LRRC37A2: variants seen among roughly 807,000 people sequenced by gnomAD.
The protein encoded by LRRC37A2 is leucine rich repeat containing 37 member A2.
Under a neutral mutation model 68.8 loss-of-function variants are expected in LRRC37A2, and 9 were observed. The observed-to-expected ratio is 0.13, with a 90% confidence interval of 0.08 to 0.23. The LOEUF is 0.23. LRRC37A2 is among the 10% of genes least tolerant of loss of function. LRRC37A2 has a pLI of 1.00. For synonymous variants in LRRC37A2, 63 were observed against 367.6 expected, an observed-to-expected ratio of 0.17 and a Z score of 9.48; for missense variants, 168 against 950.4, an observed-to-expected ratio of 0.18 and a Z score of 10.82.
chr17:46,783,816 C>T, the LRRC37A2 span, among the ~76,000 whole-genome samples: 7 of 152,200 alleles, frequency 4.6e-5, no homozygotes, highest in Admixed American at 3.9e-4. Flanking sequence ...GGTCTAGGAG[C>T]CACACAGAGA....
At chr17:46,921,817 A>G in the LRRC37A2 span, among the ~76,000 whole-genome samples, 1 of 152,218 alleles carries the variant, frequency 6.6e-6, no homozygotes, top group East Asian at 1.9e-4. Flanking sequence ...GGCGACCATT[A>G]AAAAGTCAGG....
the LRRC37A2 span, among the ~76,000 whole-genome samples, chr17:46,950,450 A>G: frequency 6.6e-6 from 1 of 152,226 alleles, no homozygotes; most frequent in Non-Finnish European, 1.5e-5. Context: ...CAGAGCCAAA[A>G]GCCCATACTA....
chr17:46,500,210 CG>C, the LRRC37A2 span, among the ~76,000 whole-genome samples: 3 of 148,012 alleles, frequency 2.0e-5, no homozygotes, highest in Non-Finnish European at 2.9e-5. Context: ...CTTTTGTGGG[CG>C]TATATTAATG....
chr17:46,979,065 G>C, the LRRC37A2 span: 1 of 1,325,738 alleles, frequency 7.5e-7, no homozygotes, highest in East Asian at 3.2e-5. Flanking sequence ...GCTGCTCGCC[G>C]GGGTCCGCGC....
At chr17:46,879,211 C>G in the LRRC37A2 span, among the ~76,000 whole-genome samples, 2 of 152,160 alleles carry the variant, frequency 1.3e-5, no homozygotes, top group Non-Finnish European at 2.9e-5. Context: ...TGTATTTTCC[C>G]GGAAACCCTC....
chr17:46,859,935 T>C, the LRRC37A2 span, among the ~76,000 whole-genome samples: 1 of 152,248 alleles, frequency 6.6e-6, no homozygotes, highest in African/African-American at 2.4e-5. Flanking sequence ...CAATGTGCTC[T>C]ATGTATTTAG....
At chr17:46,755,322 T>C in the LRRC37A2 span, 27 of 1,613,114 alleles carry the variant, frequency 1.7e-5, no homozygotes, top group Non-Finnish European at 2.2e-5. Flanking sequence ...AGATGGATCC[T>C]GAATACCGTG....
At chr17:47,000,079 A>T in the LRRC37A2 span, among the ~76,000 whole-genome samples, 1,529 of 16,734 alleles carry the variant, frequency 0.091, 172 homozygotes, top group East Asian at 0.19. Flanking sequence ...TAAAATAAAA[A>T]ATAAAATAAA....
chr17:47,000,043 TAAAATA>T, the LRRC37A2 span, among the ~76,000 whole-genome samples: 1 of 25,692 alleles, frequency 3.9e-5, no homozygotes, highest in African/African-American at 7.6e-5. Context: ...TAAAATAAAA[TAAAATA>T]AAATAAAATA....
the LRRC37A2 span, chr17:46,711,107 G>A: frequency 1.5e-5 from 23 of 1,512,278 alleles, no homozygotes; most frequent in African/African-American, 2.9e-5. Context: ...ATTGGTCAGC[G>A]TGCTTCTGGA....
At chr17:46,691,884 C>G in the LRRC37A2 span, among the ~76,000 whole-genome samples, 1 of 151,112 alleles carries the variant, frequency 6.6e-6, no homozygotes, top group African/African-American at 2.5e-5. Flanking sequence ...TCCAGAGTAG[C>G]TGGGATTACA....
the LRRC37A2 span, among the ~76,000 whole-genome samples, chr17:46,840,473 T>G: frequency 6.6e-6 from 1 of 152,246 alleles, no homozygotes; most frequent in Admixed American, 6.5e-5. Flanking sequence ...TAAACATATG[T>G]GTGCATGTGT....
At chr17:46,768,458 G>A in the LRRC37A2 span, 5 of 1,614,032 alleles carry the variant, frequency 3.1e-6, no homozygotes, top group South Asian at 1.1e-5. The surrounding 1 kb of genome is among the most constrained non-coding windows in gnomAD (Gnocchi z 5.0). Flanking sequence ...AGAGCAGATC[G>A]CAGCCATCGA....
chr17:46,979,233 T>TGGAGCC, the LRRC37A2 span: 1 of 413,400 alleles, frequency 2.4e-6, no homozygotes, highest in African/African-American at 2.1e-5. Flanking sequence ...GCGCAGGAGC[T>TGGAGCC]GGAGCCGGAG....
At position 46,529,788 on chromosome 17, in the gene LRRC37A2, C is replaced by T. The variant is rs1304428312; in HGVS notation, c.2906+5904C>T. Among the ~76,000 whole-genome samples, 70 of 108,324 alleles carry T rather than the reference C, an allele frequency of 6.5e-4. 1 individual carries two copies. Among genetic ancestry groups the T allele is most frequent in the African/African-American group, 2.0e-3 (62 of 30,534 alleles). 71.1% of individuals were successfully genotyped at this position (108,324 alleles called of 152,430 possible). A position where few individuals can be genotyped will look rare whatever the true frequency, so the allele number is the denominator to read the frequency against. ...CCACTCAGTCTCTCCATGGCCCAGG[C>T]ACAACCTTAGTCAAGAAAAGAATGC... On this transcript the variant is annotated intron_variant, in intron 6 of 14. Coordinates refer to ENST00000576629, the Ensembl canonical transcript of LRRC37A2.
chr17:47,044,877 T>G, the LRRC37A2 span, among the ~76,000 whole-genome samples: 1 of 143,114 alleles, frequency 7.0e-6, no homozygotes, highest in Admixed American at 7.0e-5. Context: ...CCAGGCGTGG[T>G]GGCACACACC....
chr17:46,714,265 T>TTGAA, the LRRC37A2 span, among the ~76,000 whole-genome samples: 1 of 152,154 alleles, frequency 6.6e-6, no homozygotes, highest in Non-Finnish European at 1.5e-5. Flanking sequence ...ATTAAAAGAG[T>TTGAA]TATAGTTGAA....
chr17:46,767,393 C>G, the LRRC37A2 span, among the ~76,000 whole-genome samples: 1 of 152,220 alleles, frequency 6.6e-6, no homozygotes, highest in African/African-American at 2.4e-5. Flanking sequence ...CGCTTCCCCC[C>G]ACCCACCTCC....
At chr17:46,638,792 G>A in the LRRC37A2 span, among the ~76,000 whole-genome samples, 1 of 98,440 alleles carries the variant, frequency 1.0e-5, no homozygotes, top group Non-Finnish European at 1.8e-5. Context: ...ACAGGTGTGA[G>A]CCATCACGCC....
Sources: allele counts gnomAD v4.1 joint callset (sites outside exome capture counted in the v4.1 genomes callset), GRCh38; gene constraint gnomAD v4.1.1; non-coding constraint Gnocchi (gnomAD v3.1); transcripts MANE v1.5; gene names NCBI Gene and HGNC (gene_info 2026-07-23, HGNC 2026-07-21).